PBLD: variants seen among roughly 807,000 people sequenced by gnomAD.
PBLD encodes phenazine biosynthesis like protein domain containing, also known as phenazine biosynthesis-like domain-containing protein.
Under a neutral mutation model 31.3 loss-of-function variants are expected in PBLD, and 26 were observed. The observed-to-expected ratio is 0.83, with a 90% CI of 0.61 to 1.15. PBLD has a LOEUF of 1.15. Among genes scored for constraint, PBLD ranks in the 50% most tolerant of loss-of-function variants. The probability of loss-of-function intolerance (pLI) is 0.00; values close to 1 mark genes in which losing one functional copy is unlikely to be tolerated. For missense variants in PBLD, 307 were observed against 351.7 expected, an observed-to-expected ratio of 0.87 and a Z score of 1.02; for synonymous variants, 114 against 129.0, an observed-to-expected ratio of 0.88 and a Z score of 0.79.
chr10:68,323,396 T>C (rs2044865351), intron 1 of PBLD, among the ~76,000 whole-genome samples: 1 of 152,108 alleles, frequency 6.6e-6, no homozygotes, highest in African/African-American at 2.4e-5. Flanking sequence ...AACCCGTCTC[T>C]ACTAAAAATA....
chr10:68,304,096 C>T (rs1564731163), intron 2 of PBLD, among the ~76,000 whole-genome samples: 1 of 152,162 alleles, frequency 6.6e-6, no homozygotes, highest in South Asian at 2.1e-4. Flanking sequence ...TAAGATTTAG[C>T]GTTTATTTGT....
chr10:68,290,906 G>A (rs1369737761), intron 6 of PBLD, among the ~76,000 whole-genome samples: 2 of 152,106 alleles, frequency 1.3e-5, no homozygotes, highest in African/African-American at 4.8e-5. Flanking sequence ...TTACCAGTAT[G>A]TTTAAAGCAG....
intron 1 of PBLD, among the ~76,000 whole-genome samples, chr10:68,309,425 A>G (rs2044630680): frequency 6.9e-6 from 1 of 144,930 alleles, no homozygotes. Flanking sequence ...AAAAAAAAAA[A>G]AGAACCCACT....
intron 1 of PBLD, among the ~76,000 whole-genome samples, chr10:68,320,900 C>A (rs1564738431): frequency 6.6e-6 from 1 of 151,600 alleles, no homozygotes; most frequent in Non-Finnish European, 1.5e-5. Context: ...TCACTACAAG[C>A]AACCTCTGCC....
intron 8 of PBLD, 96 bp from the exon 9 acceptor site, chr10:68,285,506 AATAAACT>A: frequency 6.7e-7 from 1 of 1,495,400 alleles, no homozygotes; most frequent in East Asian, 2.3e-5. Flanking sequence ...ATCCAGTTTG[AATAAACT>A]CTAGATCACC....
At chr10:68,332,711 C>A (rs918312149) in intron 1 of PBLD, 73 bp downstream of exon 1, 3 of 152,402 alleles carry the variant, frequency 2.0e-5, no homozygotes, top group Admixed American at 6.5e-5. Context: ...GGCGCGCTCC[C>A]GATGGAAATG....
chr10:68,289,016 C>T lies in PBLD; in HGVS notation c.427G>A (p.Ala143Thr), dbSNP rs2044323937. 6.2e-7 allele frequency: 1 copy of T among 1,613,790 alleles called. No individual in the cohort carries two copies. The highest frequency in any genetic ancestry group is 1.7e-5 in the Admixed American group (1 of 60,008). The change falls in exon 7 of 10, where the codon GCC (alanine) becomes ACC (threonine). Residue 143 changes from alanine to threonine, a missense_variant. Ala to Thr is a moderately conservative substitution (Grantham distance 58). Transcript: ENST00000358769. ...FHEVEDLIKT[A>T]IGNTLVQDIC... ...TCCTGGACCAGTGTGTTGCCTATGG[C>T]AGTCTGTGGAGACAGACCAAAAACT... is the stretch of plus-strand genomic sequence containing the variant.
intron 1 of PBLD, among the ~76,000 whole-genome samples, chr10:68,330,737 TG>T (rs2045040050): frequency 6.6e-6 from 1 of 151,326 alleles, no homozygotes; most frequent in South Asian, 2.1e-4. Flanking sequence ...TGTGTGTGTG[TG>T]TGTGTGTGTG....
rs913557005 is a variant in PBLD at position 68,283,295 on chromosome 10, G to C, written c.*882C>G. ...CCTGATTTTTAGTCTTCGTACCTGA[G>C]TACAACAATAAAGGAAATCACTTCT... is the stretch of plus-strand genomic sequence containing the variant. On this transcript the variant is annotated 3_prime_UTR_variant, in exon 10 of 10. Coordinates refer to ENST00000358769, the MANE Select transcript of PBLD (RefSeq NM_022129.4). 2 of 151,992 alleles carry C rather than the reference G, an allele frequency of 1.3e-5. No individual in the cohort carries two copies. Among genetic ancestry groups the C allele is most frequent in the Non-Finnish European group, 2.9e-5 (2 of 68,022 alleles). The allele number at this position is 151,992 out of a possible 1,614,324, so 9.4% of individuals were successfully genotyped here.
chr10:68,313,835 C>T (rs2134503847), intron 1 of PBLD, among the ~76,000 whole-genome samples: 2 of 152,224 alleles, frequency 1.3e-5, no homozygotes, highest in South Asian at 4.2e-4. Context: ...AAGACAACAA[C>T]AACAACAAAA....
At chr10:68,286,809 A>C (rs2044293572) in intron 8 of PBLD, among the ~76,000 whole-genome samples, 1 of 152,248 alleles carries the variant, frequency 6.6e-6, no homozygotes, top group African/African-American at 2.4e-5. Context: ...ATATTTTGCG[A>C]AGAAAAAGAT....
chr10:68,302,932 T>A (rs371316962), intron 2 of PBLD, among the ~76,000 whole-genome samples: 1 of 151,938 alleles, frequency 6.6e-6, no homozygotes, highest in Non-Finnish European at 1.5e-5. Flanking sequence ...GTCCCTCTAG[T>A]TTTTTACCCA....
At chr10:68,309,437 C>T in intron 1 of PBLD, among the ~76,000 whole-genome samples, 1 of 145,880 alleles carries the variant, frequency 6.9e-6, no homozygotes, top group South Asian at 2.2e-4. Flanking sequence ...GAACCCACTT[C>T]ACTCTTGCTT....
chr10:68,323,105 C>A (rs1357588895), intron 1 of PBLD, among the ~76,000 whole-genome samples: 1 of 151,834 alleles, frequency 6.6e-6, no homozygotes, highest in Non-Finnish European at 1.5e-5. Flanking sequence ...AATATCTTTG[C>A]AACTTTTCTA....
chr10:68,283,949 G>C lies in PBLD; in HGVS notation c.*228C>G. 1 of 370,786 alleles carries C rather than the reference G, an allele frequency of 2.7e-6. No individual in the cohort carries two copies. Among genetic ancestry groups the C allele is most frequent in the Non-Finnish European group, 5.0e-6 (1 of 201,414 alleles). 23.0% of individuals were successfully genotyped at this position (370,786 alleles called of 1,614,324 possible). A position where few individuals can be genotyped will look rare whatever the true frequency, so the allele number is the denominator to read the frequency against. ...TGTAGTAGAGACGAGGTTTCACCAT[G>C]TTGGCCAGGCTGGTGTCGAACCCCT... On this transcript the variant is annotated 3_prime_UTR_variant, in exon 10 of 10. Coordinates refer to ENST00000358769, the MANE Select transcript of PBLD (RefSeq NM_022129.4).
intron 2 of PBLD, among the ~76,000 whole-genome samples, chr10:68,298,070 AC>A (rs141935684): frequency 6.6e-6 from 1 of 151,660 alleles, no homozygotes; most frequent in Non-Finnish European, 1.5e-5. Context: ...GTTCAAGACC[AC>A]CCCCCAGTCT....
intron 2 of PBLD, among the ~76,000 whole-genome samples, chr10:68,297,597 C>T (rs2044447381): frequency 6.6e-6 from 1 of 152,172 alleles, no homozygotes; most frequent in Non-Finnish European, 1.5e-5. Context: ...TGCTGTCTTG[C>T]TTTGCCGGGA....
chr10:68,285,538 G>A, intron 8 of PBLD, 128 bp from the exon 9 acceptor site: 2 of 1,321,712 alleles, frequency 1.5e-6, no homozygotes, highest in Non-Finnish European at 2.0e-6. Context: ...TCATTATGTT[G>A]GCCAGGCCAC....
chr10:68,313,072 G>A (rs576897876), intron 1 of PBLD, among the ~76,000 whole-genome samples: 17 of 152,040 alleles, frequency 1.1e-4, no homozygotes, highest in African/African-American at 2.9e-4. Flanking sequence ...GCACCACCAC[G>A]CCTGACTGAC....
Sources: allele counts gnomAD v4.1 joint callset (sites outside exome capture counted in the v4.1 genomes callset), GRCh38; gene constraint gnomAD v4.1.1; transcripts MANE v1.5; gene names NCBI Gene and HGNC (gene_info 2026-07-23, HGNC 2026-07-21).